VEPH1: variants seen among roughly 807,000 people sequenced by gnomAD.
VEPH1 encodes ventricular zone-expressed PH domain-containing protein homolog 1.
A neutral mutation model predicts 85.2 loss-of-function variants in VEPH1; 80 were observed. That is an observed-to-expected ratio of 0.94 (90% CI 0.78 to 1.13). The LOEUF (loss-of-function observed/expected upper bound fraction) is 1.13. Ranked by LOEUF, VEPH1 falls within the 50% of genes most tolerant of loss-of-function variation. The pLI is 0.00. For missense variants in VEPH1, 955 were observed against 980.5 expected, an observed-to-expected ratio of 0.97 and a Z score of 0.35; for synonymous variants, 297 against 348.0, an observed-to-expected ratio of 0.85 and a Z score of 1.63.
intron 2 of VEPH1, among the ~76,000 whole-genome samples, chr3:157,476,411 T>A (rs1180886479): frequency 6.6e-6 from 1 of 152,212 alleles, no homozygotes; most frequent in Non-Finnish European, 1.5e-5. Context: ...TCTGCTGACA[T>A]AGGATTCTAC....
At chr3:157,412,198 T>C (rs747463521) in intron 6 of VEPH1, among the ~76,000 whole-genome samples, 9 of 152,154 alleles carry the variant, frequency 5.9e-5, no homozygotes, top group Non-Finnish European at 1.0e-4. Flanking sequence ...GCAAGCCAAT[T>C]AAACCTCTTT....
At chr3:157,440,563 T>TA (rs1049520882) in intron 4 of VEPH1, among the ~76,000 whole-genome samples, 3 of 152,024 alleles carry the variant, frequency 2.0e-5, no homozygotes, top group Admixed American at 2.0e-4. Context: ...TAGGTGTTTT[T>TA]AAAAAAATAC....
chr3:157,488,934 C>T (rs973395403), intron 2 of VEPH1: 3 of 249,376 alleles, frequency 1.2e-5, no homozygotes, highest in South Asian at 1.1e-4. Context: ...CTCTCTCTCT[C>T]TCTCTCTCTC....
intron 9 of VEPH1, among the ~76,000 whole-genome samples, chr3:157,347,151 TAC>T (rs1357081359): frequency 3.3e-5 from 5 of 152,170 alleles, no homozygotes; most frequent in African/African-American, 4.8e-5. Context: ...TTGTTTCTTT[TAC>T]AGTTTGCTCA....
At chr3:157,338,070 A>G (rs563938075) in intron 9 of VEPH1, among the ~76,000 whole-genome samples, 1 of 152,100 alleles carries the variant, frequency 6.6e-6, no homozygotes, top group Non-Finnish European at 1.5e-5. Context: ...AGCAGTGGGG[A>G]CAAGTTACGT....
rs531210662 is a variant in VEPH1, at chr3:157,492,466, C to T, written c.138+2746G>A. Among the ~76,000 whole-genome samples the T allele has an allele frequency of 3.9e-5, 6 of 152,256 alleles. No homozygotes were observed. The East Asian group carries it at 9.7e-4, about 25-fold the overall frequency. On this transcript the variant is annotated intron_variant, in intron 2 of 13. Transcript: ENST00000362010. ...CAGTTGATGGCTACAACATGAGGTG[C>T]TGTAACCTTTCCCAGACACAGGCTC...
rs116803681 is a variant in VEPH1 at position 157,421,744 on chromosome 3, C to T, written c.696+6578G>A. On this transcript the variant is annotated intron_variant, in intron 5 of 13. Transcript: ENST00000362010. The stretch of plus-strand genomic sequence containing the variant: ...GGGTGCTGGCAGCAGGAACAGAGCA[C>T]GAAGAGCCGAGGGAGGCAAGTGGAG... 7.0e-3 allele frequency among the ~76,000 whole-genome samples: 1,066 copies of T among 152,134 alleles called. 10 individuals carry two copies. Among genetic ancestry groups the T allele is most frequent in the African/African-American group, 0.022 (924 of 41,498 alleles).
chr3:157,490,079 G>A (rs1481032734), intron 2 of VEPH1, among the ~76,000 whole-genome samples: 1 of 151,992 alleles, frequency 6.6e-6, no homozygotes. Flanking sequence ...TAAAGGGATA[G>A]AAATGTAATG....
At chr3:157,286,395 T>G (rs374911498) in intron 12 of VEPH1, 162 bp downstream of exon 12, 2 of 666,842 alleles carry the variant, frequency 3.0e-6, no homozygotes, top group African/African-American at 3.6e-5. Context: ...TACGACCACT[T>G]TGGTGAGACG....
At chr3:157,392,657 A>G (rs964185480) in intron 6 of VEPH1, among the ~76,000 whole-genome samples, 2 of 152,198 alleles carry the variant, frequency 1.3e-5, no homozygotes, top group African/African-American at 4.8e-5. Context: ...ATGTTTTAAG[A>G]AAGTTTATGA....
intron 13 of VEPH1, among the ~76,000 whole-genome samples, chr3:157,264,438 A>T (rs1301221138): frequency 1.3e-5 from 2 of 152,210 alleles, no homozygotes; most frequent in African/African-American, 4.8e-5. Flanking sequence ...TTCCCATAGT[A>T]AATCTCGTAT....
chr3:157,503,192 CTT>C (rs1454713412), intron 1 of VEPH1, 83 bp downstream of exon 1: 1 of 152,288 alleles, frequency 6.6e-6, no homozygotes, highest in East Asian at 1.9e-4. Flanking sequence ...ATCCCCCACT[CTT>C]TGCTTCTTTG....
chr3:157,437,651 A>C (rs1240016621), intron 4 of VEPH1: 1 of 1,546,502 alleles, frequency 6.5e-7, no homozygotes, highest in African/African-American at 1.4e-5. Flanking sequence ...AGGCTGCGGG[A>C]GGAGCTGGGC....
At chr3:157,336,969 T>C (rs1423406477) in intron 9 of VEPH1, among the ~76,000 whole-genome samples, 2 of 152,206 alleles carry the variant, frequency 1.3e-5, no homozygotes, top group Non-Finnish European at 2.9e-5. Flanking sequence ...CTCTAGAACG[T>C]AATTTGATTA....
intron 9 of VEPH1, among the ~76,000 whole-genome samples, chr3:157,359,865 G>A (rs1252133748): frequency 1.3e-5 from 2 of 152,140 alleles, no homozygotes; most frequent in Admixed American, 6.5e-5. Context: ...GTTTTGTCGT[G>A]TTCCTAGCGT....
At chr3:157,357,104 C>T (rs1725529171) in intron 9 of VEPH1, among the ~76,000 whole-genome samples, 1 of 152,128 alleles carries the variant, frequency 6.6e-6, no homozygotes, top group Non-Finnish European at 1.5e-5. Context: ...TTACACCACC[C>T]ACATCTCCTC....
chr3:157,414,334 A>C lies in VEPH1; in HGVS notation c.697-244T>G, dbSNP rs9860066. 3.0e-3 allele frequency among the ~76,000 whole-genome samples: 453 copies of C among 152,270 alleles called. 4 individuals carry two copies. The highest frequency in any genetic ancestry group is 0.011 in the African/African-American group (440 of 41,564). ...TCTGTGATTTGCTGTTGAAGAGTGA[A>C]GTTTAAAATAATGCTTCAGTGTTAC... On this transcript the variant is annotated intron_variant, in intron 5 of 13. Coordinates refer to ENST00000362010, the MANE Select transcript of VEPH1 (RefSeq NM_001167912.2).
At chr3:157,344,464 C>A (rs866208962) in intron 9 of VEPH1, among the ~76,000 whole-genome samples, 72 of 152,280 alleles carry the variant, frequency 4.7e-4, no homozygotes, top group African/African-American at 1.7e-3. Flanking sequence ...AGGAATCCAA[C>A]TTACAAGGGA....
chr3:157,414,176 T>A, intron 5 of VEPH1, 86 bp from the exon 6 acceptor site: 2 of 1,046,118 alleles, frequency 1.9e-6, no homozygotes, highest in Non-Finnish European at 2.8e-6. Context: ...GAAAGCAAAC[T>A]TTTTTTGCAT....
Sources: gnomAD v4.1 joint callset for allele counts (sites outside exome capture counted in the v4.1 genomes callset) on GRCh38, gnomAD v4.1.1 for gene constraint, MANE v1.5 for transcripts, NCBI Gene and HGNC (gene_info 2026-07-23, HGNC 2026-07-21) for gene names.